The following GPC6 variants were observed in gnomAD, a reference collection of about 807,000 sequenced individuals.
The protein encoded by GPC6 is glypican 6, also known as glypican-6.
GPC6 carries 14 observed loss-of-function variants against 55.2 expected under a neutral mutation model. The observed-to-expected ratio is 0.25, with a 90% confidence interval of 0.17 to 0.40. GPC6 has a LOEUF of 0.40. Ranked by LOEUF, GPC6 falls within the 10% of genes least tolerant of loss-of-function variation. GPC6 has a pLI of 1.00. For missense variants in GPC6, 641 were observed against 708.5 expected (o/e 0.90, Z 1.08); for synonymous variants, 278 against 259.6 (o/e 1.07, Z -0.68).
At chr13:93,901,325 G>T (rs1876336894) in intron 3 of GPC6, among the ~76,000 whole-genome samples, 1 of 152,004 alleles carries the variant, frequency 6.6e-6, no homozygotes, top group Admixed American at 6.6e-5. Flanking sequence ...TTCTTCATCT[G>T]GATATTTACA....
At chr13:93,547,135 C>T (rs1016496618) in intron 2 of GPC6, among the ~76,000 whole-genome samples, 1 of 150,124 alleles carries the variant, frequency 6.7e-6, no homozygotes. Flanking sequence ...TTGAGGCCAT[C>T]CTGGCCAACG....
chr13:94,161,794 A>G (rs1015204888), intron 4 of GPC6, among the ~76,000 whole-genome samples: 1 of 152,166 alleles, frequency 6.6e-6, no homozygotes, highest in African/African-American at 2.4e-5. Context: ...CACTGCTGAT[A>G]AACGCATACC....
intron 1 of GPC6, among the ~76,000 whole-genome samples, chr13:93,387,915 T>G (rs968089187): frequency 6.6e-6 from 1 of 152,154 alleles, no homozygotes; most frequent in Non-Finnish European, 1.5e-5. Flanking sequence ...TCAGTTTTAT[T>G]TATACTAACA....
intron 4 of GPC6, among the ~76,000 whole-genome samples, chr13:94,181,365 C>T (rs537807372): frequency 7.9e-5 from 12 of 152,208 alleles, no homozygotes; most frequent in East Asian, 5.8e-4. Flanking sequence ...TTTCTCAGAC[C>T]GGCTGACACT....
At chr13:93,769,469 G>A (rs1594441496) in intron 2 of GPC6, among the ~76,000 whole-genome samples, 2 of 150,642 alleles carry the variant, frequency 1.3e-5, no homozygotes, top group African/African-American at 4.9e-5. Context: ...AAAAGCAGCA[G>A]GGAGAAGATG....
rs549712361 is a variant in GPC6 at position 94,336,958 on chromosome 13, C to A, written c.1152+30835C>A. On this transcript the variant is annotated intron_variant, in intron 6 of 8. Coordinates refer to ENST00000377047, the MANE Select transcript of GPC6 (RefSeq NM_005708.5). ...TTCTTTTGAATTTGTTTTATGATAT[C>A]TCAGTAAAATAAAGGCTTATAGAAA... Among the ~76,000 whole-genome samples the A allele has an allele frequency of 3.3e-5, 5 of 152,254 alleles. No homozygotes were observed. The South Asian group carries it at 6.2e-4, about 19-fold the overall frequency.
intron 1 of GPC6, among the ~76,000 whole-genome samples, chr13:93,298,640 G>T (rs535032772): frequency 4.0e-5 from 6 of 151,722 alleles, no homozygotes; most frequent in Admixed American, 3.9e-4. Context: ...AGGGATGGGG[G>T]TCTCCCTATC....
At chr13:93,382,027 T>A (rs1262692966) in intron 1 of GPC6, among the ~76,000 whole-genome samples, 2 of 152,126 alleles carry the variant, frequency 1.3e-5, no homozygotes, top group Non-Finnish European at 2.9e-5. Flanking sequence ...TGAATATATA[T>A]TTAATAAATA....
At chr13:93,255,779 A>G (rs915515978) in intron 1 of GPC6, among the ~76,000 whole-genome samples, 2 of 152,094 alleles carry the variant, frequency 1.3e-5, no homozygotes, top group Non-Finnish European at 2.9e-5. Context: ...GCTGGGGAGT[A>G]TATTTTTTTG....
chr13:93,845,951 T>C (rs1888159476), intron 3 of GPC6, among the ~76,000 whole-genome samples: 1 of 151,422 alleles, frequency 6.6e-6, no homozygotes, highest in Non-Finnish European at 1.5e-5. Flanking sequence ...ACCTGCACAA[T>C]GTGCACATGT....
intron 1 of GPC6, among the ~76,000 whole-genome samples, chr13:93,397,806 A>T (rs1445441260): frequency 6.6e-6 from 1 of 151,716 alleles, no homozygotes; most frequent in Non-Finnish European, 1.5e-5. Flanking sequence ...TTTCCTAAAA[A>T]GTCCTACTCA....
intron 2 of GPC6, among the ~76,000 whole-genome samples, chr13:93,785,944 A>G (rs1885803108): frequency 6.6e-6 from 1 of 152,218 alleles, no homozygotes; most frequent in African/African-American, 2.4e-5. Context: ...GGTGGGCAAC[A>G]GGCCCTGTCT....
chr13:93,358,201 C>T (rs993225237), intron 1 of GPC6, among the ~76,000 whole-genome samples: 14 of 152,078 alleles, frequency 9.2e-5, no homozygotes, highest in African/African-American at 3.1e-4. Context: ...GAAAAATTAC[C>T]TGGGTGTGCT....
At chr13:93,897,861 T>C (rs910041284) in intron 3 of GPC6, among the ~76,000 whole-genome samples, 2 of 152,152 alleles carry the variant, frequency 1.3e-5, no homozygotes, top group African/African-American at 2.4e-5. Context: ...ATTCTCTTTT[T>C]AATGTATTTA....
intron 1 of GPC6, among the ~76,000 whole-genome samples, chr13:93,316,174 C>T (rs1879242082): frequency 6.6e-6 from 1 of 152,026 alleles, no homozygotes; most frequent in Non-Finnish European, 1.5e-5. Context: ...ACAAAGTGCT[C>T]CAAGCTGTAA....
chr13:93,772,256 C>T (rs998618974), intron 2 of GPC6, among the ~76,000 whole-genome samples: 1 of 152,026 alleles, frequency 6.6e-6, no homozygotes, highest in Admixed American at 6.6e-5. Flanking sequence ...ATGAAGATAT[C>T]GGCATTGGTT....
intron 2 of GPC6, among the ~76,000 whole-genome samples, chr13:93,684,993 G>A (rs530183524): frequency 1.3e-5 from 2 of 152,214 alleles, no homozygotes; most frequent in East Asian, 3.9e-4. Flanking sequence ...TGAAAAAAAT[G>A]CATCATATAT....
chr13:93,482,901 C>T (rs1879571368), intron 1 of GPC6, among the ~76,000 whole-genome samples: 1 of 152,068 alleles, frequency 6.6e-6, no homozygotes. Context: ...TTGTTACGTG[C>T]ATTTTTGAAA....
intron 4 of GPC6, among the ~76,000 whole-genome samples, chr13:94,054,042 G>A (rs1428912166): frequency 6.6e-6 from 1 of 152,076 alleles, no homozygotes; most frequent in African/African-American, 2.4e-5. Context: ...ATAATTAAAA[G>A]GATTAAAAGT....
Sources: gnomAD v4.1 joint callset for allele counts (sites outside exome capture counted in the v4.1 genomes callset) on GRCh38, gnomAD v4.1.1 for gene constraint, MANE v1.5 for transcripts, NCBI Gene and HGNC (gene_info 2026-07-23, HGNC 2026-07-21) for gene names.